LRRTM4: variants seen among roughly 807,000 people sequenced by gnomAD.
LRRTM4 encodes leucine-rich repeat transmembrane neuronal protein 4.
A neutral mutation model predicts 47.6 loss-of-function variants in LRRTM4; 25 were observed. That is an observed-to-expected ratio of 0.53 (90% CI 0.38 to 0.73). LRRTM4 has a LOEUF of 0.73. Among genes scored for constraint, LRRTM4 ranks in the 30% least tolerant of loss-of-function variants. LRRTM4 has a pLI of 0.00. For synonymous variants in LRRTM4, 311 were observed against 269.5 expected (o/e 1.15, Z -1.51); for missense variants, 638 against 713.4 (o/e 0.89, Z 1.20).
intron 3 of LRRTM4, among the ~76,000 whole-genome samples, chr2:76,970,086 A>G (rs72823125): frequency 0.13 from 20,316 of 151,988 alleles, 1,594 homozygotes; most frequent in Admixed American, 0.2. Context: ...GTCACTCAAC[A>G]GGTGAGTCTC....
At chr2:77,016,263 G>A (rs1488721342) in intron 3 of LRRTM4, among the ~76,000 whole-genome samples, 3 of 151,458 alleles carry the variant, frequency 2.0e-5, no homozygotes, top group African/African-American at 7.3e-5. Flanking sequence ...GCAGGCGCCT[G>A]TAGTCCCAGC....
At chr2:77,236,798 A>G (rs539791933) in intron 3 of LRRTM4, among the ~76,000 whole-genome samples, 3 of 151,896 alleles carry the variant, frequency 2.0e-5, no homozygotes, top group African/African-American at 7.2e-5. Context: ...TTTTGTTTTT[A>G]ATTCTGTTTA....
At chr2:77,184,447 T>TA (rs1673443279) in intron 3 of LRRTM4, among the ~76,000 whole-genome samples, 1 of 152,072 alleles carries the variant, frequency 6.6e-6, no homozygotes, top group Non-Finnish European at 1.5e-5. Context: ...CGATTCCCTA[T>TA]AAAAAATGGT....
At chr2:76,886,357 AT>A (rs1405200917) in intron 3 of LRRTM4, among the ~76,000 whole-genome samples, 1 of 152,174 alleles carries the variant, frequency 6.6e-6, no homozygotes, top group Non-Finnish European at 1.5e-5. Context: ...TCTATGTGAT[AT>A]CTGATGGTGC....
chr2:76,864,200 G>A (rs1325718147), intron 3 of LRRTM4, among the ~76,000 whole-genome samples: 1 of 152,128 alleles, frequency 6.6e-6, no homozygotes, highest in East Asian at 1.9e-4. Context: ...TGTTTTTAAA[G>A]TGGTGGGATT....
chr2:76,899,113 T>C (rs1181877954), intron 3 of LRRTM4, among the ~76,000 whole-genome samples: 2 of 152,080 alleles, frequency 1.3e-5, no homozygotes, highest in East Asian at 1.9e-4. Flanking sequence ...AAATGAATAA[T>C]TGATCAAAAG....
At chr2:76,985,493 G>A (rs1466029150) in intron 3 of LRRTM4, among the ~76,000 whole-genome samples, 1 of 151,964 alleles carries the variant, frequency 6.6e-6, no homozygotes, top group African/African-American at 2.4e-5. Flanking sequence ...GTGACAGTAT[G>A]GCAAACAAGG....
At chr2:76,945,385 T>C (rs1184128480) in intron 3 of LRRTM4, among the ~76,000 whole-genome samples, 2 of 152,058 alleles carry the variant, frequency 1.3e-5, no homozygotes, top group Admixed American at 1.3e-4. Context: ...AAATGTATCA[T>C]GCTTTATTTT....
chr2:77,034,297 T>C (rs955497246), intron 3 of LRRTM4, among the ~76,000 whole-genome samples: 1 of 151,970 alleles, frequency 6.6e-6, no homozygotes, highest in Non-Finnish European at 1.5e-5. Context: ...GCCAGCTTTC[T>C]AGAAGTCTTG....
intron 3 of LRRTM4, among the ~76,000 whole-genome samples, chr2:77,191,414 T>G (rs1673666446): frequency 6.6e-6 from 1 of 151,956 alleles, no homozygotes; most frequent in South Asian, 2.1e-4. Context: ...AAAATAAAAA[T>G]TCTTAATATT....
At chr2:77,472,278 C>T (rs748313123) in intron 3 of LRRTM4, among the ~76,000 whole-genome samples, 3 of 151,996 alleles carry the variant, frequency 2.0e-5, no homozygotes, top group Non-Finnish European at 4.4e-5. Context: ...AGTTATAGTG[C>T]CAACAGGCTG....
At chr2:77,010,056 T>C (rs1046719583) in intron 3 of LRRTM4, among the ~76,000 whole-genome samples, 1 of 152,008 alleles carries the variant, frequency 6.6e-6, no homozygotes, top group African/African-American at 2.4e-5. Context: ...AGCATGATAT[T>C]TTGATATATG....
intron 3 of LRRTM4, among the ~76,000 whole-genome samples, chr2:76,873,932 G>A (rs972463782): frequency 1.3e-5 from 2 of 151,752 alleles, no homozygotes; most frequent in Non-Finnish European, 2.9e-5. Flanking sequence ...ATTTTATAAA[G>A]TTAATTTTTC....
intron 3 of LRRTM4, among the ~76,000 whole-genome samples, chr2:77,072,077 C>T (rs1018098060): frequency 5.3e-5 from 8 of 152,072 alleles, no homozygotes; most frequent in Non-Finnish European, 1.0e-4. Flanking sequence ...ATTATTAATA[C>T]ATTTTTATAT....
At chr2:76,923,972 G>A (rs1023802668) in intron 3 of LRRTM4, among the ~76,000 whole-genome samples, 3 of 152,006 alleles carry the variant, frequency 2.0e-5, no homozygotes, top group Non-Finnish European at 4.4e-5. Flanking sequence ...TAGGTGTGGA[G>A]TGTTTTTTAC....
At chr2:76,995,803 G>C (rs2104006425) in intron 3 of LRRTM4, among the ~76,000 whole-genome samples, 1 of 152,110 alleles carries the variant, frequency 6.6e-6, no homozygotes, top group African/African-American at 2.4e-5. Context: ...GAAACAACTA[G>C]ACACACATGG....
Position 76,787,663 on chromosome 2 carries a change from G to A in LRRTM4, c.1552-38747C>T, listed in dbSNP as rs79541987. On this transcript the variant is annotated intron_variant, in intron 3 of 3. Coordinates refer to ENST00000409884, the MANE Select transcript of LRRTM4 (RefSeq NM_001134745.3). ...TAGGGAAAACTTTGTGGTTCAGTGG[G>A]GAGTTTTGCATTGACTACAGCACAC... is the stretch of plus-strand genomic sequence containing the variant. Among the ~76,000 whole-genome samples, 850 of 152,104 alleles carry A rather than the reference G, an allele frequency of 5.6e-3. 6 individuals carry two copies. Among genetic ancestry groups the A allele is most frequent in the African/African-American group, 0.019 (772 of 41,520 alleles).
chr2:76,936,954 C>CAAAAAAAAAAAAAAAAAA lies in LRRTM4; in HGVS notation c.1552-188056_1552-188039dup, dbSNP rs56140303. On this transcript the variant is annotated intron_variant, in intron 3 of 3. Coordinates refer to ENST00000409884, the MANE Select transcript of LRRTM4 (RefSeq NM_001134745.3). ...TGGGCGACAGAGCAAGACTCCATCT[C>CAAAAAAAAAAAAAAAAAA]AAAAAAAAAAAAAAAAAAAAAAAAA... Among the ~76,000 whole-genome samples the CAAAAAAAAAAAAAAAAAA allele has an allele frequency of 8.8e-4, 20 of 22,692 alleles. 5 individuals carry two copies. The highest frequency in any genetic ancestry group is 1.2e-3 in the African/African-American group (9 of 7,368). 14.9% of individuals were successfully genotyped at this position (22,692 alleles called of 152,430 possible). A position where few individuals can be genotyped will look rare whatever the true frequency, so the allele number is the denominator to read the frequency against.
chr2:77,364,565 T>C (rs1046051685), intron 3 of LRRTM4, among the ~76,000 whole-genome samples: 3 of 152,020 alleles, frequency 2.0e-5, no homozygotes, highest in Non-Finnish European at 2.9e-5. Flanking sequence ...TGAATTCCTA[T>C]TGCATCCTCT....
Sources: gnomAD v4.1 joint callset for allele counts (sites outside exome capture counted in the v4.1 genomes callset) on GRCh38, gnomAD v4.1.1 for gene constraint, MANE v1.5 for transcripts, NCBI Gene and HGNC (gene_info 2026-07-23, HGNC 2026-07-21) for gene names.